NID2: variants seen among roughly 807,000 people sequenced by gnomAD.
The protein encoded by NID2 is nidogen-2.
A neutral mutation model predicts 145.4 loss-of-function variants in NID2; 83 were observed. The ratio of observed to expected loss-of-function variants is 0.57; its 90% CI spans 0.48 to 0.69. NID2 has a LOEUF of 0.69. Ranked by LOEUF, NID2 falls within the 30% of genes least tolerant of loss-of-function variation. The probability of loss-of-function intolerance (pLI) is 0.00; values close to 1 mark genes in which losing one functional copy is unlikely to be tolerated. For synonymous variants in NID2, 739 were observed against 701.3 expected (o/e 1.05, Z -0.85); for missense variants, 1,807 against 1,765.7 (o/e 1.02, Z -0.42).
In NID2 at chr14:52,060,222, A is replaced by C. The variant is rs1595055692; in HGVS notation, c.669T>G (p.Ala223=). Residue 223 remains alanine (A), a synonymous_variant, in exon 3 of 22, where the codon GCT becomes GCG. Coordinates refer to ENST00000216286, the MANE Select transcript of NID2 (RefSeq NM_007361.4). The part of the protein sequence containing the change: ...ESYNVQLQLP[A]RVGFCRGEAD... ...CCTCCCCTCGGCAGAAGCCCACCCG[A>C]GCTGGAAGCTGAAGCTGGACATTGT... 1.9e-5 allele frequency: 31 copies of C among 1,614,124 alleles called. No individual in the cohort carries two copies. Among genetic ancestry groups the C allele is most frequent in the Non-Finnish European group, 2.6e-5 (31 of 1,180,000 alleles).
Position 52,049,575 on chromosome 14 carries a change from CAAA to C in NID2, c.1429+4001_1429+4003del, listed in dbSNP as rs11316906. ...CTACTAACAATTTTTACTGCTACCTCAAAAAAAAAAAAAGTCATTTTCACCGCA... is the reference window on the plus strand; with the variant it reads ...CTACTAACAATTTTTACTGCTACCTCAAAAAAAAAAGTCATTTTCACCGCA... On this transcript the variant is annotated intron_variant, in intron 5 of 21. Transcript: ENST00000216286. Among the ~76,000 whole-genome samples, 7 of 149,272 alleles carry C rather than the reference CAAA, an allele frequency of 4.7e-5. No homozygotes were observed. In the East Asian group the frequency reaches 1.2e-3, roughly 25 times the overall value.
At chr14:52,033,418 A>C (rs985294723) in intron 9 of NID2, among the ~76,000 whole-genome samples, 10 of 152,278 alleles carry the variant, frequency 6.6e-5, no homozygotes, top group Admixed American at 3.9e-4. Context: ...ACAACAACAA[A>C]AAACAGCTGA....
chr14:52,006,267 T>C (rs1890777871), intron 20 of NID2: 4 of 426,784 alleles, frequency 9.4e-6, no homozygotes, highest in Middle Eastern at 6.6e-4. Flanking sequence ...ATATGCTCCC[T>C]TTTGAGACAT....
chr14:52,060,947 A>G (rs146698607), intron 2 of NID2, among the ~76,000 whole-genome samples: 1 of 152,218 alleles, frequency 6.6e-6, no homozygotes, highest in Non-Finnish European at 1.5e-5. Context: ...TTCACAGATG[A>G]GAAAAAGACA....
intron 12 of NID2, among the ~76,000 whole-genome samples, chr14:52,026,885 C>G (rs917689482): frequency 6.6e-6 from 1 of 152,160 alleles, no homozygotes; most frequent in African/African-American, 2.4e-5. Context: ...TGGAGACCGC[C>G]TAACAGGAAG....
intron 9 of NID2, among the ~76,000 whole-genome samples, chr14:52,035,116 CATT>C (rs1017520656): frequency 6.6e-6 from 1 of 152,156 alleles, no homozygotes; most frequent in African/African-American, 2.4e-5. Flanking sequence ...AATACTGACA[CATT>C]ATTAACTAAT....
chr14:52,036,047 C>G (rs574592390), intron 9 of NID2, among the ~76,000 whole-genome samples: 1 of 151,684 alleles, frequency 6.6e-6, no homozygotes, highest in East Asian at 1.9e-4. Context: ...ACAATTCATC[C>G]GTTTAAAGTA....
intron 5 of NID2, among the ~76,000 whole-genome samples, chr14:52,043,543 A>G (rs1378142327): frequency 6.6e-6 from 1 of 152,222 alleles, no homozygotes; most frequent in Non-Finnish European, 1.5e-5. Context: ...TGCCCTTGGC[A>G]GGGTTTAACT....
At chr14:52,046,714 CTATTA>C (rs1232342882) in intron 5 of NID2, among the ~76,000 whole-genome samples, 1 of 152,206 alleles carries the variant, frequency 6.6e-6, no homozygotes. Flanking sequence ...CCATGAAAGG[CTATTA>C]TGAGACTTAA....
At chr14:52,064,018 T>A (rs1392411200) in intron 2 of NID2, among the ~76,000 whole-genome samples, 1 of 152,216 alleles carries the variant, frequency 6.6e-6, no homozygotes, top group Non-Finnish European at 1.5e-5. Context: ...ATTCTCTTCA[T>A]CTTCACAGTG....
chr14:52,039,931 C>T (rs1343520100), intron 8 of NID2, among the ~76,000 whole-genome samples: 1 of 152,090 alleles, frequency 6.6e-6, no homozygotes, highest in African/African-American at 2.4e-5. Flanking sequence ...TAAATTATAG[C>T]ATCTCTGTGT....
intron 12 of NID2, among the ~76,000 whole-genome samples, chr14:52,026,565 ACTC>A (rs573703382): frequency 1.8e-4 from 27 of 152,292 alleles, no homozygotes; most frequent in African/African-American, 5.8e-4. Flanking sequence ...ATTTTAAAGT[ACTC>A]CTAATCCTAG....
At chr14:52,007,579 G>T in intron 19 of NID2, 1 of 493,520 alleles carries the variant, frequency 2.0e-6, no homozygotes, top group Non-Finnish European at 3.6e-6. Flanking sequence ...GGCACTCATG[G>T]TCAGGCAAGC....
At chr14:52,056,016 A>C (rs1020745989) in intron 3 of NID2, among the ~76,000 whole-genome samples, 3 of 152,102 alleles carry the variant, frequency 2.0e-5, no homozygotes, top group Non-Finnish European at 4.4e-5. Flanking sequence ...TAGGGAAAAA[A>C]GCATAGAAAG....
chr14:52,017,113 A>G (rs1263136695), intron 14 of NID2, among the ~76,000 whole-genome samples: 2 of 152,120 alleles, frequency 1.3e-5, no homozygotes, highest in Admixed American at 1.3e-4. Context: ...GAAGTTCCCA[A>G]TTCCACCCCT....
chr14:52,023,566 G>T (rs1044251171), intron 12 of NID2, among the ~76,000 whole-genome samples: 3 of 152,122 alleles, frequency 2.0e-5, no homozygotes, highest in Non-Finnish European at 4.4e-5. Flanking sequence ...AGTAATGATG[G>T]CTCTGGGTAA....
rs1402015787 is a variant in NID2, at chr14:52,004,860, A to ATCTT, written c.*622_*625dup. ...ATCTAGAAAATTTTAAAATTGTTAC[A>ATCTT]TCTTTGGTATTTATAAATGTGATAC... On this transcript the variant is annotated 3_prime_UTR_variant, in exon 22 of 22. Coordinates refer to ENST00000216286, the MANE Select transcript of NID2 (RefSeq NM_007361.4). The ATCTT allele has an allele frequency of 2.8e-5, 5 of 179,756 alleles. No homozygotes were observed. The highest frequency in any genetic ancestry group is 5.8e-5 in the Non-Finnish European group (5 of 86,902). The allele number at this position is 179,756 out of a possible 1,614,324, so 11.1% of individuals were successfully genotyped here.
At chr14:52,062,007 G>C (rs1595057352) in intron 2 of NID2, among the ~76,000 whole-genome samples, 1 of 152,120 alleles carries the variant, frequency 6.6e-6, no homozygotes, top group African/African-American at 2.4e-5. Context: ...GACAAACTCG[G>C]GCACAGAGAA....
chr14:52,031,630 C>T (rs1292354056), intron 9 of NID2, among the ~76,000 whole-genome samples: 1 of 152,212 alleles, frequency 6.6e-6, no homozygotes, highest in Non-Finnish European at 1.5e-5. Flanking sequence ...TCCTGCTCAC[C>T]AGTTCTCACT....
Sources: gnomAD v4.1 joint callset for allele counts (sites outside exome capture counted in the v4.1 genomes callset) on GRCh38, gnomAD v4.1.1 for gene constraint, MANE v1.5 for transcripts, NCBI Gene and HGNC (gene_info 2026-07-23, HGNC 2026-07-21) for gene names.